IGF2BP2: variants seen among roughly 807,000 people sequenced by gnomAD.
IGF2BP2 encodes insulin like growth factor 2 mRNA binding protein 2.
IGF2BP2 carries 17 observed loss-of-function variants against 75.8 expected under a neutral mutation model. That is an observed-to-expected ratio of 0.22 (90% confidence interval 0.15 to 0.34). IGF2BP2 has a LOEUF of 0.34. Among genes scored for constraint, IGF2BP2 ranks in the 10% least tolerant of loss-of-function variants. The probability of loss-of-function intolerance (pLI) is 1.00; values close to 1 mark genes in which losing one functional copy is unlikely to be tolerated. For missense variants in IGF2BP2, 516 were observed against 772.4 expected, an observed-to-expected ratio of 0.67 and a Z score of 3.93; for synonymous variants, 288 against 295.6, an observed-to-expected ratio of 0.97 and a Z score of 0.26.
rs140757762 is a variant in IGF2BP2 at position 185,807,960 on chromosome 3, A to C, written c.239+15193T>G. Among the ~76,000 whole-genome samples the C allele has an allele frequency of 7.9e-5, 12 of 152,322 alleles. No individual in the cohort carries two copies. In the East Asian group the frequency reaches 2.3e-3, roughly 29 times the overall value. ...AAGTGCTGACATTGTCCTGATCCTC[A>C]GGAAACATGTGAGATAATAAATGTT... On this transcript the variant is annotated intron_variant, in intron 2 of 15. Coordinates refer to ENST00000382199, the MANE Select transcript of IGF2BP2 (RefSeq NM_006548.6).
chr3:185,737,706 ATTTAC>A (rs1167709258), intron 2 of IGF2BP2, among the ~76,000 whole-genome samples: 2 of 152,182 alleles, frequency 1.3e-5, no homozygotes, highest in African/African-American at 4.8e-5. Context: ...TACTACAAGT[ATTTAC>A]TTAACTTCTA....
At chr3:185,657,763 G>A (rs1420299784) in intron 11 of IGF2BP2, among the ~76,000 whole-genome samples, 3 of 152,196 alleles carry the variant, frequency 2.0e-5, no homozygotes, top group Non-Finnish European at 2.9e-5. Flanking sequence ...AACATACCTG[G>A]CCTGAAGACG....
Position 185,687,190 on chromosome 3 carries a change from C to T in IGF2BP2, c.679G>A (p.Val227Ile). The change falls in exon 7 of 16, where the codon GTA (valine) becomes ATA (isoleucine). Residue 227 changes from valine to isoleucine, a missense_variant and splice_region_variant. By Grantham distance (29) the Val-to-Ile change is conservative. Transcript: ENST00000382199. The stretch of plus-strand genomic sequence containing the variant: ...GAGTTCTCTTTTCTATGGATATCTA[C>T]CCTGTAGGAAAAGAATCAGGAGCCA... Reference protein sequence around the residue: ...KNITKQTQSRVDIHRKENSGA... With the variant: ...KNITKQTQSRIDIHRKENSGA... The T allele has an allele frequency of 1.2e-6, 2 of 1,600,250 alleles. No individual in the cohort carries two copies. Among genetic ancestry groups the T allele is most frequent in the African/African-American group, 1.4e-5 (1 of 73,668 alleles).
intron 2 of IGF2BP2, among the ~76,000 whole-genome samples, chr3:185,741,447 C>T (rs1560392662): frequency 6.6e-6 from 1 of 152,182 alleles, no homozygotes; most frequent in Non-Finnish European, 1.5e-5. Flanking sequence ...CTTTCCTATT[C>T]AGGATCCATG....
chr3:185,708,050 TC>T (rs574282191), intron 2 of IGF2BP2, among the ~76,000 whole-genome samples: 179 of 152,332 alleles, frequency 1.2e-3, no homozygotes, highest in African/African-American at 4.1e-3. Context: ...CTACTGACAT[TC>T]ATGGATGCTA....
chr3:185,762,774 A>C (rs141017810), intron 2 of IGF2BP2, among the ~76,000 whole-genome samples: 1 of 152,320 alleles, frequency 6.6e-6, no homozygotes, highest in African/African-American at 2.4e-5. Flanking sequence ...GAAGAGGCAC[A>C]GATGAGTTTC....
At chr3:185,814,215 C>G (rs1740303101) in intron 2 of IGF2BP2, 1 of 152,198 alleles carries the variant, frequency 6.6e-6, no homozygotes, top group Non-Finnish European at 1.5e-5. Flanking sequence ...TTCCTTCTTT[C>G]TTAATAATTT....
intron 2 of IGF2BP2, among the ~76,000 whole-genome samples, chr3:185,718,928 C>T (rs1025220421): frequency 6.6e-6 from 1 of 152,128 alleles, no homozygotes; most frequent in African/African-American, 2.4e-5. Flanking sequence ...CAAGAAGCTG[C>T]TCCTTACAGC....
chr3:185,651,525 CTT>C (rs772198328), intron 13 of IGF2BP2, among the ~76,000 whole-genome samples: 6 of 152,120 alleles, frequency 3.9e-5, no homozygotes, highest in Non-Finnish European at 1.5e-5. Context: ...GAGGCTATTG[CTT>C]TTGAGTGGTT....
At chr3:185,812,472 C>T (rs1172715812) in intron 2 of IGF2BP2, among the ~76,000 whole-genome samples, 1 of 152,108 alleles carries the variant, frequency 6.6e-6, no homozygotes, top group Non-Finnish European at 1.5e-5. Context: ...ATACTTGTTA[C>T]CAAAATGAAA....
rs1713791936 is a variant in IGF2BP2 at position 185,647,496 on chromosome 3, G to A, written c.1594-358C>T. ...CCCACTCCCCACCCCTACCCTGTAA[G>A]ATCATTCCTCCTGGACATGCTGTCC... On this transcript the variant is annotated intron_variant, in intron 14 of 15. Transcript: ENST00000382199. The surrounding 1 kb of genome is among the most constrained non-coding windows in gnomAD (Gnocchi z 4.9). Among the ~76,000 whole-genome samples, 1 of 151,526 alleles carries A rather than the reference G, an allele frequency of 6.6e-6. No homozygotes were observed. The highest frequency in any genetic ancestry group is 2.4e-5 in the African/African-American group (1 of 41,194).
At chr3:185,792,885 A>T (rs928432018) in intron 2 of IGF2BP2, among the ~76,000 whole-genome samples, 5 of 152,030 alleles carry the variant, frequency 3.3e-5, no homozygotes, top group African/African-American at 1.2e-4. Flanking sequence ...GACTCCCATG[A>T]CAGTTCCCAC....
At chr3:185,691,257 C>T (rs1481801423) in intron 5 of IGF2BP2, among the ~76,000 whole-genome samples, 1 of 151,978 alleles carries the variant, frequency 6.6e-6, no homozygotes, top group Non-Finnish European at 1.5e-5. Context: ...CGCCACCACG[C>T]CTGGCTAATT....
intron 2 of IGF2BP2, among the ~76,000 whole-genome samples, chr3:185,770,810 G>A (rs1733769862): frequency 6.6e-6 from 1 of 152,154 alleles, no homozygotes; most frequent in Non-Finnish European, 1.5e-5. Context: ...GAGTGCAGTG[G>A]CACAATTATA....
At chr3:185,751,917 C>T (rs1349367882) in intron 2 of IGF2BP2, among the ~76,000 whole-genome samples, 4 of 151,980 alleles carry the variant, frequency 2.6e-5, no homozygotes, top group Non-Finnish European at 2.9e-5. Flanking sequence ...GAGCCGAGAT[C>T]GTGCCACTGC....
chr3:185,678,303 T>C (rs1719857151), intron 7 of IGF2BP2, among the ~76,000 whole-genome samples: 1 of 152,198 alleles, frequency 6.6e-6, no homozygotes, highest in African/African-American at 2.4e-5. Context: ...GATGATATAT[T>C]TGAAGTGCTG....
At position 185,683,799 on chromosome 3, in the gene IGF2BP2, T is replaced by A. The variant is rs531685843; in HGVS notation, c.812+3258A>T. Among the ~76,000 whole-genome samples, 16 of 152,274 alleles carry A rather than the reference T, an allele frequency of 1.1e-4. 1 individual carries two copies. The highest frequency in any genetic ancestry group is 3.6e-4 in the African/African-American group (15 of 41,542). On this transcript the variant is annotated intron_variant, in intron 7 of 15. Transcript: ENST00000382199. ...ACACAAGGAAGGGATGCCCTCTCCC[T>A]CAATTTGTAACTTTTTTGTGGGAAT...
chr3:185,777,835 A>C (rs1342636224), intron 2 of IGF2BP2, among the ~76,000 whole-genome samples: 1 of 152,172 alleles, frequency 6.6e-6, no homozygotes, highest in Non-Finnish European at 1.5e-5. Flanking sequence ...TGAGGTCAGG[A>C]GGTCGAGACC....
intron 6 of IGF2BP2, 104 bp downstream of exon 6, chr3:185,689,251 C>T (rs1721574019): frequency 2.5e-6 from 3 of 1,180,802 alleles, no homozygotes; most frequent in Non-Finnish European, 3.6e-6. Flanking sequence ...ACAGCACAGC[C>T]CCCCACTGCT....
Sources: allele counts gnomAD v4.1 joint callset (sites outside exome capture counted in the v4.1 genomes callset), GRCh38; gene constraint gnomAD v4.1.1; non-coding constraint Gnocchi (gnomAD v3.1); transcripts MANE v1.5; gene names NCBI Gene and HGNC (gene_info 2026-07-23, HGNC 2026-07-21).